Variants in ADGRG4 observed in about 807,000 individuals in gnomAD.
ADGRG4 encodes adhesion G protein-coupled receptor G4.
Under a neutral mutation model 126.2 loss-of-function variants are expected in ADGRG4, and 122 were observed. The observed-to-expected ratio is 0.97, with a 90% CI of 0.83 to 1.12. ADGRG4 has a LOEUF of 1.12. ADGRG4 is among the 50% of genes most tolerant of loss of function. The pLI, the probability that ADGRG4 is intolerant of heterozygous loss-of-function variation, is 0.00. For synonymous variants in ADGRG4, 943 were observed against 838.7 expected (o/e 1.12, Z -2.15); for missense variants, 2,481 against 2,251.8 (o/e 1.10, Z -2.06).
chrX:136,322,228 C>G (rs1051515863), intron 4 of ADGRG4, among the ~76,000 whole-genome samples: 4 of 111,783 alleles, frequency 3.6e-5, no homozygotes, highest in African/African-American at 1.3e-4. Context: ...TATCGCCCAG[C>G]TGGTCATTCT....
intron 4 of ADGRG4, among the ~76,000 whole-genome samples, chrX:136,317,499 C>CAAAAAAAAAAAAAAAAA (rs35736381): frequency 1.7e-4 from 7 of 40,618 alleles, no homozygotes; most frequent in Admixed American, 3.4e-4. Context: ...GACTCCATCT[C>CAAAAAAAAAAAAAAAAA]AAAAAAAAAA....
chrX:136,317,997 G>A (rs1266056002), intron 4 of ADGRG4, among the ~76,000 whole-genome samples: 1 of 112,259 alleles, frequency 8.9e-6, no homozygotes, highest in East Asian at 2.8e-4. Context: ...TACTCAATAA[G>A]TGAAACATAG....
intron 5 of ADGRG4, among the ~76,000 whole-genome samples, chrX:136,330,599 T>C (rs1015570192): frequency 2.7e-5 from 3 of 111,168 alleles, no homozygotes; most frequent in Non-Finnish European, 5.7e-5. Flanking sequence ...TGTGTACAGG[T>C]TTTTTTTGTG....
At chrX:136,320,444 A>G (rs942100121) in intron 4 of ADGRG4, among the ~76,000 whole-genome samples, 3 of 112,295 alleles carry the variant, frequency 2.7e-5, no homozygotes, top group African/African-American at 9.7e-5. Flanking sequence ...CAGGCTTGCC[A>G]AAGCTGGATA....
chrX:136,360,563 C>A (rs1056894649), intron 11 of ADGRG4, among the ~76,000 whole-genome samples: 14 of 110,741 alleles, frequency 1.3e-4, no homozygotes, highest in Non-Finnish European at 2.5e-4. Flanking sequence ...GGCAACAAAG[C>A]AAGACGCTGT....
intron 21 of ADGRG4, among the ~76,000 whole-genome samples, chrX:136,401,333 A>C (rs2075378314): frequency 8.9e-6 from 1 of 111,798 alleles, no homozygotes; most frequent in Non-Finnish European, 1.9e-5. Context: ...CACATGGCCA[A>C]TTGTGAAAGG....
intron 5 of ADGRG4, among the ~76,000 whole-genome samples, chrX:136,341,936 A>C (rs1055344849): frequency 3.6e-5 from 4 of 112,167 alleles, no homozygotes; most frequent in Non-Finnish European, 7.5e-5. Context: ...TCTCAGATGG[A>C]TAAATTCAAA....
At chrX:136,341,740 TAC>T (rs2148462506) in intron 5 of ADGRG4, among the ~76,000 whole-genome samples, 1 of 112,027 alleles carries the variant, frequency 8.9e-6, no homozygotes, top group East Asian at 2.8e-4. Flanking sequence ...AACTCATCTA[TAC>T]AGTCAATTGG....
At position 136,361,230 on chromosome X, in the gene ADGRG4, T is replaced by TA. The variant is rs910122637; in HGVS notation, c.7145-215dup. 5.2e-3 allele frequency among the ~76,000 whole-genome samples: 541 copies of TA among 104,467 alleles called. 5 individuals carry two copies. The highest frequency in any genetic ancestry group is 0.018 in the African/African-American group (514 of 28,998). The allele number at this position is 104,467 out of a possible 115,157, so 90.7% of individuals were successfully genotyped here. A position where few individuals can be genotyped will look rare whatever the true frequency, so the allele number is the denominator to read the frequency against. Reference sequence around the variant, plus strand: ...TGGTTATACTGGGTGGTTTATTATTTAAAAAAAAAACACTCCATATAATGA... The same window carrying TA: ...TGGTTATACTGGGTGGTTTATTATTTAAAAAAAAAAACACTCCATATAATGA... On this transcript the variant is annotated intron_variant, in intron 11 of 25. Transcript: ENST00000394143.
Position 136,344,431 on chromosome X carries a change from C to T in ADGRG4, c.725C>T (p.Thr242Ile), listed in dbSNP as rs755620775. 2 of 1,170,919 alleles carry T rather than the reference C, an allele frequency of 1.7e-6. No individual in the cohort carries two copies. Among genetic ancestry groups the T allele is most frequent in the Middle Eastern group, 4.8e-4 (2 of 4,171 alleles). The stretch of plus-strand genomic sequence containing the variant: ...ATGACAATTCAAGAAAAAAGTACAA[C>T]TGTTTCACAACAGATAGATATGACC... Reference protein sequence around the residue: ...ENMTIQEKSTTVSQQIDMTTP... With the variant: ...ENMTIQEKSTIVSQQIDMTTP... Residue 242 changes from threonine (T) to isoleucine (I), a missense_variant, in exon 6 of 26, where the codon ACT becomes ATT. Coordinates refer to ENST00000394143, the MANE Select transcript of ADGRG4 (RefSeq NM_153834.4).
At chrX:136,401,675 A>G (rs1325350843) in intron 21 of ADGRG4, among the ~76,000 whole-genome samples, 1 of 112,150 alleles carries the variant, frequency 8.9e-6, no homozygotes, top group Non-Finnish European at 1.9e-5. Context: ...CTTGTCCCCC[A>G]CACTAAAAAG....
rs2148468974 is a variant in ADGRG4, at chrX:136,349,439, T to G, written c.5733T>G (p.Thr1911=). ...CATCCAATGAGATGGAAACAGAGACTCTACACCTTGTTCCTGGGCCTTTGT... is the reference window on the plus strand; with the variant it reads ...CATCCAATGAGATGGAAACAGAGACGCTACACCTTGTTCCTGGGCCTTTGT... ...VPTSNEMETE[T]LHLVPGPLST... Residue 1911 remains threonine, a synonymous_variant, in exon 6 of 26, where the codon ACT becomes ACG. Transcript: ENST00000394143. 2.5e-6 allele frequency: 3 copies of G among 1,208,074 alleles called. No individual in the cohort carries two copies. In the East Asian group the frequency reaches 8.9e-5, roughly 36 times the overall value.
intron 5 of ADGRG4, among the ~76,000 whole-genome samples, chrX:136,342,921 T>TGAGAGA (rs1556006930): frequency 0.029 from 2,475 of 84,114 alleles, 36 homozygotes; most frequent in African/African-American, 0.049. Flanking sequence ...TGTGTGTGTG[T>TGAGAGA]GAGAGAGAGA....
chrX:136,372,207 A>C (rs1402008501), intron 14 of ADGRG4, among the ~76,000 whole-genome samples: 1 of 111,787 alleles, frequency 8.9e-6, no homozygotes, highest in Non-Finnish European at 1.9e-5. Context: ...GGAAAACTCG[A>C]GAACAGTACT....
At chrX:136,415,713 C>T (rs1306974869) in intron 25 of ADGRG4, among the ~76,000 whole-genome samples, 3 of 111,454 alleles carry the variant, frequency 2.7e-5, no homozygotes, top group Non-Finnish European at 3.8e-5. Context: ...ATAGTTGGGG[C>T]TGGTTGGAAA....
intron 25 of ADGRG4, among the ~76,000 whole-genome samples, chrX:136,415,668 A>C (rs906939733): frequency 2.7e-5 from 3 of 111,761 alleles, no homozygotes; most frequent in Non-Finnish European, 5.6e-5. Flanking sequence ...CATGACATAG[A>C]CAAGGCATGG....
At chrX:136,358,434 A>G (rs750297710) in intron 10 of ADGRG4, among the ~76,000 whole-genome samples, 72 of 112,159 alleles carry the variant, frequency 6.4e-4, no homozygotes, top group Non-Finnish European at 1.0e-3. Flanking sequence ...ACTTGCAACA[A>G]CTGGCAGGAA....
At chrX:136,334,117 TTTCTTTCTTTCTTTCTTTC>T (rs1452015416) in intron 5 of ADGRG4, among the ~76,000 whole-genome samples, 3 of 101,102 alleles carry the variant, frequency 3.0e-5, no homozygotes, top group African/African-American at 1.1e-4. Context: ...TCTTTCTTTC[TTTCTTTCTTTCTTTCTTTC>T]TTTTTCTTTT....
chrX:136,387,734 T>C lies in ADGRG4; in HGVS notation c.7777-6T>C, dbSNP rs2075299593. ...CCAATTTTCATTTTTTGGCTTTTCT[T>C]GGCAGATTTTCCTAGGCAATGTCCC... On this transcript the variant is annotated splice_polypyrimidine_tract_variant and splice_region_variant and intron_variant, in intron 15 of 25. Coordinates refer to ENST00000394143, the MANE Select transcript of ADGRG4 (RefSeq NM_153834.4). The C allele has an allele frequency of 8.3e-7, 1 of 1,201,155 alleles. No homozygotes were observed. Among genetic ancestry groups the C allele is most frequent in the Non-Finnish European group, 1.1e-6 (1 of 892,194 alleles).
Sources: gnomAD v4.1 joint callset for allele counts (sites outside exome capture counted in the v4.1 genomes callset) on GRCh38, gnomAD v4.1.1 for gene constraint, MANE v1.5 for transcripts, NCBI Gene and HGNC (gene_info 2026-07-23, HGNC 2026-07-21) for gene names.